PRTFDC1: variants seen among roughly 807,000 people sequenced by gnomAD.
PRTFDC1 encodes phosphoribosyltransferase domain-containing protein 1.
PRTFDC1 carries 38 observed loss-of-function variants against 34.6 expected under a neutral mutation model. That is an observed-to-expected ratio of 1.10 (90% CI 0.85 to 1.44). The LOEUF is 1.44. Ranked by LOEUF, PRTFDC1 falls within the 40% of genes most tolerant of loss-of-function variation. The pLI is 0.00. For missense variants in PRTFDC1, 270 were observed against 283.0 expected, an observed-to-expected ratio of 0.95 and a Z score of 0.33; for synonymous variants, 93 against 98.1, an observed-to-expected ratio of 0.95 and a Z score of 0.31.
chr10:24,897,173 A>G (rs1848381602), intron 3 of PRTFDC1, among the ~76,000 whole-genome samples: 1 of 152,130 alleles, frequency 6.6e-6, no homozygotes, highest in African/African-American at 2.4e-5. Flanking sequence ...TGAAGCCACT[A>G]TACTCCAGCC....
At chr10:24,928,151 A>T (rs1848909981) in intron 3 of PRTFDC1, among the ~76,000 whole-genome samples, 3 of 152,104 alleles carry the variant, frequency 2.0e-5, no homozygotes, top group African/African-American at 7.2e-5. Flanking sequence ...AGATTTAGTG[A>T]AATATGGTAA....
At chr10:24,933,090 A>G (rs1848994312) in intron 3 of PRTFDC1, among the ~76,000 whole-genome samples, 1 of 152,128 alleles carries the variant, frequency 6.6e-6, no homozygotes, top group South Asian at 2.1e-4. Flanking sequence ...CGCAATCCAT[A>G]CCTTATATCG....
At chr10:24,918,407 C>A (rs140270971) in intron 3 of PRTFDC1, among the ~76,000 whole-genome samples, 74 of 151,940 alleles carry the variant, frequency 4.9e-4, no homozygotes, top group Non-Finnish European at 8.4e-4. Flanking sequence ...TGGTTAATAT[C>A]TTTTTTATTT....
rs868015982 is a variant in PRTFDC1 at position 24,888,046 on chromosome 10, G to C, written c.340-15983C>G. On this transcript the variant is annotated intron_variant, in intron 3 of 8. Coordinates refer to ENST00000320152, the MANE Select transcript of PRTFDC1 (RefSeq NM_020200.7). ...GAGTTACTGGGAATGACTAATTTTT[G>C]TATCTCTATAGAGACAGGGTCTTGC... Among the ~76,000 whole-genome samples the C allele has an allele frequency of 2.6e-5, 4 of 152,086 alleles. No individual in the cohort carries two copies. In the South Asian group the frequency reaches 8.3e-4, roughly 32 times the overall value.
chr10:24,951,780 G>A (rs1170986205), intron 1 of PRTFDC1, among the ~76,000 whole-genome samples: 2 of 152,064 alleles, frequency 1.3e-5, no homozygotes, highest in Non-Finnish European at 2.9e-5. Flanking sequence ...CTGAGAGATG[G>A]GTACCCTCTG....
rs1282195106 is a variant in PRTFDC1, at chr10:24,940,391, T to C, written c.155+1939A>G. 2.0e-5 allele frequency among the ~76,000 whole-genome samples: 3 copies of C among 152,322 alleles called. No homozygotes were observed. In the East Asian group the frequency reaches 5.8e-4, roughly 29 times the overall value. On this transcript the variant is annotated intron_variant, in intron 2 of 8. Transcript: ENST00000320152. Reference sequence around the variant, plus strand: ...TATAGTTCAATAAGAAGATGAACAATTGAATTTAAAAATTGGCAAAAGACT... The same window carrying C: ...TATAGTTCAATAAGAAGATGAACAACTGAATTTAAAAATTGGCAAAAGACT...
In PRTFDC1 at chr10:24,857,000, G is replaced by T. The variant is rs930083640; in HGVS notation, c.424-5C>A. On this transcript the variant is annotated splice_region_variant and splice_polypyrimidine_tract_variant and intron_variant, in intron 5 of 8. Transcript: ENST00000320152. ...CCTCCCAGTTCCGACAACATCCTTT[G>T]CAAAAAGGACAGATAAATTCAACAA... The T allele has an allele frequency of 6.2e-7, 1 of 1,608,168 alleles. No homozygotes were observed.
At chr10:24,894,581 G>A (rs761937934) in intron 3 of PRTFDC1, among the ~76,000 whole-genome samples, 2 of 152,034 alleles carry the variant, frequency 1.3e-5, no homozygotes, top group African/African-American at 2.4e-5. Context: ...GAAGGCACCC[G>A]GGAGCCAATC....
intron 3 of PRTFDC1, among the ~76,000 whole-genome samples, chr10:24,905,488 A>G (rs1312862530): frequency 6.6e-6 from 1 of 151,678 alleles, no homozygotes; most frequent in African/African-American, 2.4e-5. Flanking sequence ...CTTCCAGCTA[A>G]TTTTTGTATT....
At chr10:24,918,836 C>T (rs915588483) in intron 3 of PRTFDC1, among the ~76,000 whole-genome samples, 52 of 152,076 alleles carry the variant, frequency 3.4e-4, no homozygotes, top group African/African-American at 1.3e-3. Flanking sequence ...AAAGGAAAAC[C>T]CATAAAAATG....
chr10:24,941,036 TTGTGTG>T (rs58812300), intron 2 of PRTFDC1, among the ~76,000 whole-genome samples: 14 of 150,054 alleles, frequency 9.3e-5, no homozygotes, highest in East Asian at 2.0e-4. Context: ...TAAATTAATC[TTGTGTG>T]TGTGTGTGTG....
chr10:24,941,797 T>A (rs1468485119), intron 2 of PRTFDC1, among the ~76,000 whole-genome samples: 2 of 151,988 alleles, frequency 1.3e-5, no homozygotes, highest in Non-Finnish European at 2.9e-5. Context: ...CTTCTGAGAG[T>A]TGTAAATAGG....
chr10:24,933,693 A>ATTTTT (rs71399941), intron 3 of PRTFDC1, among the ~76,000 whole-genome samples: 1 of 136,026 alleles, frequency 7.4e-6, no homozygotes. Flanking sequence ...GAGTTTGGCA[A>ATTTTT]TTTTTTTTTT....
chr10:24,931,924 A>C (rs1315241476), intron 3 of PRTFDC1, among the ~76,000 whole-genome samples: 4 of 151,464 alleles, frequency 2.6e-5, no homozygotes, highest in Non-Finnish European at 5.9e-5. Flanking sequence ...AAAAAAAAAA[A>C]ACAAAAAACT....
In PRTFDC1 at chr10:24,848,886, T is replaced by A. The variant is rs1847434610; in HGVS notation, c.*958A>T. 1 of 152,202 alleles carries A rather than the reference T, an allele frequency of 6.6e-6. No individual in the cohort carries two copies. Among genetic ancestry groups the A allele is most frequent in the African/African-American group, 2.4e-5 (1 of 41,436 alleles). The allele number at this position is 152,202 out of a possible 1,614,324, so 9.4% of individuals were successfully genotyped here. A position where few individuals can be genotyped will look rare whatever the true frequency, so the allele number is the denominator to read the frequency against. Reference sequence around the variant, plus strand: ...CTTTCTTGAGTGTGCTTGTTTCCTGTAGCACCTTGGATTTTGTGATCAGTC... The same window carrying A: ...CTTTCTTGAGTGTGCTTGTTTCCTGAAGCACCTTGGATTTTGTGATCAGTC... On this transcript the variant is annotated 3_prime_UTR_variant, in exon 9 of 9. Transcript: ENST00000320152.
At chr10:24,916,437 G>A (rs1848697374) in intron 3 of PRTFDC1, among the ~76,000 whole-genome samples, 2 of 152,254 alleles carry the variant, frequency 1.3e-5, no homozygotes, top group East Asian at 1.9e-4. Flanking sequence ...ACTCCATACA[G>A]TGGCCTGACA....
chr10:24,904,830 C>G (rs1848506932), intron 3 of PRTFDC1, among the ~76,000 whole-genome samples: 2 of 152,218 alleles, frequency 1.3e-5, no homozygotes, highest in African/African-American at 4.8e-5. Context: ...CCACCTTCAA[C>G]CCCATTTCAT....
intron 3 of PRTFDC1, among the ~76,000 whole-genome samples, chr10:24,889,107 T>A (rs925486708): frequency 6.6e-6 from 1 of 151,978 alleles, no homozygotes; most frequent in African/African-American, 2.4e-5. Flanking sequence ...GGTGATTAGG[T>A]CATGAAGGCT....
At chr10:24,886,692 G>A (rs1414925457) in intron 3 of PRTFDC1, among the ~76,000 whole-genome samples, 1 of 152,136 alleles carries the variant, frequency 6.6e-6, no homozygotes, top group Non-Finnish European at 1.5e-5. Flanking sequence ...GCTCACTGCA[G>A]CTTCGAATTC....
Sources: gnomAD v4.1 joint callset for allele counts (sites outside exome capture counted in the v4.1 genomes callset) on GRCh38, gnomAD v4.1.1 for gene constraint, MANE v1.5 for transcripts, NCBI Gene and HGNC (gene_info 2026-07-23, HGNC 2026-07-21) for gene names.